LRP1B: variants seen among roughly 807,000 people sequenced by gnomAD.
LRP1B encodes low-density lipoprotein receptor-related protein 1B.
Under a neutral mutation model 556.6 loss-of-function variants are expected in LRP1B, and 217 were observed. The observed-to-expected ratio is 0.39, with a 90% CI of 0.35 to 0.44. The LOEUF is 0.44. Ranked by LOEUF, LRP1B falls within the 20% of genes least tolerant of loss-of-function variation. LRP1B has a pLI of 1.00. For synonymous variants in LRP1B, 2,047 were observed against 1,865.8 expected (o/e 1.10, Z -2.50); for missense variants, 5,053 against 5,620.8 (o/e 0.90, Z 3.23).
intron 2 of LRP1B, among the ~76,000 whole-genome samples, chr2:141,647,012 C>T (rs2381157): frequency 0.6 from 90,706 of 151,912 alleles, 27,319 homozygotes; most frequent in African/African-American, 0.67. Context: ...TTGATTCCTC[C>T]CCTTGCTATG....
chr2:142,017,868 G>A (rs1453929018), intron 1 of LRP1B, among the ~76,000 whole-genome samples: 2 of 152,010 alleles, frequency 1.3e-5, no homozygotes, highest in Non-Finnish European at 2.9e-5. Flanking sequence ...GCAACAGAGC[G>A]AGACCTTGTC....
chr2:140,547,928 G>T (rs1032222399), intron 43 of LRP1B, among the ~76,000 whole-genome samples: 1 of 149,046 alleles, frequency 6.7e-6, no homozygotes, highest in South Asian at 2.1e-4. Context: ...TTCCAAACAG[G>T]ACTCACTGGG....
At chr2:140,274,877 G>C (rs1682605583) in intron 84 of LRP1B, among the ~76,000 whole-genome samples, 1 of 151,930 alleles carries the variant, frequency 6.6e-6, no homozygotes, top group African/African-American at 2.4e-5. Flanking sequence ...AAGTTAACAA[G>C]TTCCCTTAGC....
chr2:141,840,075 AT>A (rs1697414472), intron 1 of LRP1B, among the ~76,000 whole-genome samples: 1 of 152,052 alleles, frequency 6.6e-6, no homozygotes, highest in African/African-American at 2.4e-5. Context: ...TTGGCCAAAG[AT>A]TTTTATTTAA....
intron 76 of LRP1B, 98 bp from the exon 77 acceptor site, chr2:140,351,136 A>T: frequency 1.2e-6 from 1 of 831,554 alleles, no homozygotes; most frequent in South Asian, 1.9e-5. Context: ...TATTATTCTT[A>T]ATACAGTTTT....
chr2:140,471,931 C>T (rs1687786633), intron 60 of LRP1B, among the ~76,000 whole-genome samples: 1 of 152,180 alleles, frequency 6.6e-6, no homozygotes, highest in Non-Finnish European at 1.5e-5. Context: ...TTTGCACATG[C>T]TGTTCCCTCT....
chr2:141,606,967 C>G (rs1687936483), intron 2 of LRP1B, among the ~76,000 whole-genome samples: 1 of 151,908 alleles, frequency 6.6e-6, no homozygotes, highest in African/African-American at 2.4e-5. Flanking sequence ...GCATTATTTT[C>G]CCTTATCCCT....
intron 7 of LRP1B, among the ~76,000 whole-genome samples, chr2:141,187,820 A>G (rs1681323970): frequency 6.6e-6 from 1 of 151,980 alleles, no homozygotes; most frequent in South Asian, 2.1e-4. Context: ...TTTAACCAAT[A>G]AAGTAGCTTG....
At chr2:140,336,513 G>A (rs953354476) in intron 77 of LRP1B, among the ~76,000 whole-genome samples, 4 of 151,640 alleles carry the variant, frequency 2.6e-5, no homozygotes, top group African/African-American at 9.7e-5. Context: ...TTTTCAAAGA[G>A]TTTGTAGCAA....
intron 1 of LRP1B, among the ~76,000 whole-genome samples, chr2:142,069,954 G>A (rs554568554): frequency 5.6e-4 from 85 of 151,838 alleles, no homozygotes; most frequent in Admixed American, 1.3e-3. Context: ...GAACACAAAC[G>A]TAGTTTAGCC....
intron 1 of LRP1B, among the ~76,000 whole-genome samples, chr2:141,912,893 C>A (rs1328329808): frequency 1.3e-5 from 2 of 152,188 alleles, no homozygotes; most frequent in Non-Finnish European, 2.9e-5. Flanking sequence ...TACTCTTCAG[C>A]CAATTCAGCT....
At chr2:140,250,368 CAGGT>C (rs1681358466) in intron 86 of LRP1B, among the ~76,000 whole-genome samples, 1 of 151,530 alleles carries the variant, frequency 6.6e-6, no homozygotes, top group Non-Finnish European at 1.5e-5. Context: ...GACAGATAGA[CAGGT>C]AGGTAGGTAG....
At chr2:141,827,733 C>G (rs574181560) in intron 1 of LRP1B, among the ~76,000 whole-genome samples, 2 of 151,822 alleles carry the variant, frequency 1.3e-5, no homozygotes, top group East Asian at 3.9e-4. Context: ...GGAGGCACAG[C>G]AAATTTTGGC....
At chr2:141,766,849 C>T (rs1289547286) in intron 2 of LRP1B, among the ~76,000 whole-genome samples, 1 of 152,132 alleles carries the variant, frequency 6.6e-6, no homozygotes, top group Non-Finnish European at 1.5e-5. Flanking sequence ...AACAGGAAGG[C>T]TTATAGCCTT....
intron 7 of LRP1B, among the ~76,000 whole-genome samples, chr2:141,120,845 C>T (rs1412453067): frequency 6.6e-6 from 1 of 151,932 alleles, no homozygotes; most frequent in Admixed American, 6.6e-5. Context: ...TGGTTACAGT[C>T]AGAAAATATG....
At chr2:141,522,324 G>A (rs866883095) in intron 2 of LRP1B, among the ~76,000 whole-genome samples, 12 of 152,152 alleles carry the variant, frequency 7.9e-5, no homozygotes, top group East Asian at 7.7e-4. Context: ...TGTTTCAGTC[G>A]CATTATGTAA....
chr2:140,810,413 C>T (rs1175123634), intron 32 of LRP1B, among the ~76,000 whole-genome samples: 1 of 152,106 alleles, frequency 6.6e-6, no homozygotes, highest in Non-Finnish European at 1.5e-5. Context: ...ACATTTGTAA[C>T]TGCAGTCTTC....
intron 43 of LRP1B, among the ~76,000 whole-genome samples, chr2:140,586,192 G>C (rs1215612332): frequency 6.6e-6 from 1 of 152,086 alleles, no homozygotes; most frequent in Non-Finnish European, 1.5e-5. Context: ...GACTATAAAA[G>C]TAGAGAGAAA....
chr2:141,898,878 G>T (rs1002624056), intron 1 of LRP1B, among the ~76,000 whole-genome samples: 1 of 152,106 alleles, frequency 6.6e-6, no homozygotes, highest in Non-Finnish European at 1.5e-5. Context: ...TGGAAGATGT[G>T]CAACCCTGTC....
Sources: gnomAD v4.1 joint callset for allele counts (sites outside exome capture counted in the v4.1 genomes callset) on GRCh38, gnomAD v4.1.1 for gene constraint, MANE v1.5 for transcripts, NCBI Gene and HGNC (gene_info 2026-07-23, HGNC 2026-07-21) for gene names.